LRRTM4: variants seen among roughly 807,000 people sequenced by gnomAD.
LRRTM4 encodes leucine rich repeat transmembrane neuronal 4, also known as leucine-rich repeat transmembrane neuronal protein 4.
LRRTM4 carries 25 observed loss-of-function variants against 47.6 expected under a neutral mutation model. The observed-to-expected ratio is 0.53, with a 90% CI of 0.38 to 0.73. The LOEUF is 0.73. Ranked by LOEUF, LRRTM4 falls within the 30% of genes least tolerant of loss-of-function variation. LRRTM4 has a pLI of 0.00. For synonymous variants in LRRTM4, 311 were observed against 269.5 expected (o/e 1.15, Z -1.51); for missense variants, 638 against 713.4 (o/e 0.89, Z 1.20).
chr2:77,382,246 CA>C (rs1447046754), intron 3 of LRRTM4, among the ~76,000 whole-genome samples: 4 of 152,054 alleles, frequency 2.6e-5, no homozygotes, highest in Non-Finnish European at 5.9e-5. Flanking sequence ...GTTCTCTCAG[CA>C]AATATATTAT....
chr2:77,386,618 G>A (rs1034484070), intron 3 of LRRTM4, among the ~76,000 whole-genome samples: 1 of 152,192 alleles, frequency 6.6e-6, no homozygotes, highest in Non-Finnish European at 1.5e-5. Context: ...TATATACCCA[G>A]TAATGGGATT....
intron 3 of LRRTM4, among the ~76,000 whole-genome samples, chr2:77,179,934 G>A (rs1043213226): frequency 6.6e-6 from 1 of 151,988 alleles, no homozygotes; most frequent in Non-Finnish European, 1.5e-5. Context: ...ATTGTATAAA[G>A]TTATAATAGA....
chr2:77,407,659 T>A (rs112195602), intron 3 of LRRTM4, among the ~76,000 whole-genome samples: 2 of 124,788 alleles, frequency 1.6e-5, no homozygotes, highest in East Asian at 2.3e-4. Flanking sequence ...ATTATATAAT[T>A]ATATATAATA....
chr2:76,972,412 CTTT>C (rs397869502), intron 3 of LRRTM4, among the ~76,000 whole-genome samples: 1,088 of 95,234 alleles, frequency 0.011, 9 homozygotes, highest in African/African-American at 0.043. Flanking sequence ...TCATTGAACA[CTTT>C]TTTTTTTTTT....
At position 76,748,732 on chromosome 2, in the gene LRRTM4, G is replaced by GC; in HGVS notation, c.1735dup (p.Ala579GlyfsTer90). On this transcript the variant is annotated frameshift_variant, in exon 4 of 4. Transcript: ENST00000409884. LOFTEE classifies it high-confidence loss of function. ...TCTCTCTAGGTAGATGGCCGGTGCTGCCGACCTGGCGATGGTGGCGATGAA... is the reference window on the plus strand; with the variant it reads ...TCTCTCTAGGTAGATGGCCGGTGCTGCCCGACCTGGCGATGGTGGCGATGAA... The GC allele has an allele frequency of 6.2e-7, 1 of 1,613,590 alleles. No homozygotes were observed. Among genetic ancestry groups the GC allele is most frequent in the South Asian group, 1.1e-5 (1 of 91,064 alleles).
chr2:77,136,197 C>A (rs543394859), intron 3 of LRRTM4, among the ~76,000 whole-genome samples: 50 of 152,220 alleles, frequency 3.3e-4, no homozygotes, highest in African/African-American at 1.1e-3. Flanking sequence ...GGTCCCTGAC[C>A]CCTGAGTAGC....
At chr2:77,157,984 C>A (rs1268596173) in intron 3 of LRRTM4, among the ~76,000 whole-genome samples, 1 of 152,002 alleles carries the variant, frequency 6.6e-6, no homozygotes, top group African/African-American at 2.4e-5. Flanking sequence ...AAAAAACATT[C>A]AAAAGGCGTC....
chr2:77,181,875 C>T (rs184186959), intron 3 of LRRTM4, among the ~76,000 whole-genome samples: 188 of 152,152 alleles, frequency 1.2e-3, no homozygotes, highest in African/African-American at 4.3e-3. Flanking sequence ...AATGAGATAC[C>T]ATCTCATGCC....
At chr2:77,078,381 CA>C (rs766302419) in intron 3 of LRRTM4, among the ~76,000 whole-genome samples, 4,975 of 48,550 alleles carry the variant, frequency 0.1, 100 homozygotes, top group African/African-American at 0.29. Flanking sequence ...CACACACACC[CA>C]CACACACACA....
At chr2:76,772,142 C>T (rs1673738885) in intron 3 of LRRTM4, among the ~76,000 whole-genome samples, 1 of 152,032 alleles carries the variant, frequency 6.6e-6, no homozygotes, top group South Asian at 2.1e-4. Context: ...GAGTGGAGCT[C>T]TCATCATGGG....
chr2:76,758,858 C>G (rs1271668681), intron 3 of LRRTM4, among the ~76,000 whole-genome samples: 2 of 152,100 alleles, frequency 1.3e-5, no homozygotes, highest in Non-Finnish European at 2.9e-5. Context: ...GCAACCCATA[C>G]AGTCTCTACC....
At chr2:76,845,169 CA>C (rs1671801818) in intron 3 of LRRTM4, among the ~76,000 whole-genome samples, 1 of 152,078 alleles carries the variant, frequency 6.6e-6, no homozygotes, top group African/African-American at 2.4e-5. Context: ...GCATATGACA[CA>C]ACTGCAAAAT....
At chr2:77,096,841 A>G (rs1346732006) in intron 3 of LRRTM4, among the ~76,000 whole-genome samples, 6 of 151,864 alleles carry the variant, frequency 4.0e-5, no homozygotes, top group Admixed American at 3.9e-4. Flanking sequence ...TAGAGTGTCC[A>G]TATTAAATGG....
intron 3 of LRRTM4, among the ~76,000 whole-genome samples, chr2:77,293,877 G>A (rs1676897834): frequency 6.6e-6 from 1 of 152,032 alleles, no homozygotes. Flanking sequence ...TCAGCCTATG[G>A]TCCCTGAATG....
intron 3 of LRRTM4, among the ~76,000 whole-genome samples, chr2:76,846,054 T>G (rs556070009): frequency 1.3e-5 from 2 of 152,246 alleles, no homozygotes; most frequent in South Asian, 4.1e-4. Context: ...CTGCTTTTCA[T>G]ATATATGCGC....
chr2:76,941,160 C>CAAACAAAAAACAA (rs1553434162), intron 3 of LRRTM4, among the ~76,000 whole-genome samples: 1 of 151,522 alleles, frequency 6.6e-6, no homozygotes, highest in Non-Finnish European at 1.5e-5. Flanking sequence ...GAAGTAAGGT[C>CAAACAAAAAACAA]AAACAAAAAA....
intron 3 of LRRTM4, among the ~76,000 whole-genome samples, chr2:77,193,604 G>A (rs1176577069): frequency 6.6e-6 from 1 of 152,062 alleles, no homozygotes; most frequent in Non-Finnish European, 1.5e-5. Context: ...GAGATCAGGA[G>A]TTCGAGACCA....
At chr2:77,120,811 C>T (rs938803913) in intron 3 of LRRTM4, among the ~76,000 whole-genome samples, 8 of 151,790 alleles carry the variant, frequency 5.3e-5, no homozygotes, top group African/African-American at 1.9e-4. Flanking sequence ...ATTCACTTCA[C>T]TGATGCATGG....
chr2:76,930,049 T>C (rs1674719542), intron 3 of LRRTM4, among the ~76,000 whole-genome samples: 1 of 152,134 alleles, frequency 6.6e-6, no homozygotes, highest in Non-Finnish European at 1.5e-5. Context: ...ATTTTTTGTA[T>C]TTCTCTGCAG....
Sources: gnomAD v4.1 joint callset for allele counts (sites outside exome capture counted in the v4.1 genomes callset) on GRCh38, gnomAD v4.1.1 for gene constraint, MANE v1.5 for transcripts, NCBI Gene and HGNC (gene_info 2026-07-23, HGNC 2026-07-21) for gene names.